RAPGEF5: variants seen among roughly 807,000 people sequenced by gnomAD.
The protein encoded by RAPGEF5 is Rap guanine nucleotide exchange factor 5.
A neutral mutation model predicts 125.2 loss-of-function variants in RAPGEF5; 65 were observed. The ratio of observed to expected loss-of-function variants is 0.52; its 90% CI spans 0.43 to 0.64. The LOEUF (loss-of-function observed/expected upper bound fraction) is 0.64, where lower values mean the gene tolerates loss of function less well. Ranked by LOEUF, RAPGEF5 falls within the 30% of genes least tolerant of loss-of-function variation. The pLI, the probability that RAPGEF5 is intolerant of heterozygous loss-of-function variation, is 0.00. For synonymous variants in RAPGEF5, 391 were observed against 385.9 expected (o/e 1.01, Z -0.16); for missense variants, 958 against 1,048.1 (o/e 0.91, Z 1.19).
chr7:22,130,949 T>C (rs1562704462), intron 24 of RAPGEF5, 88 bp downstream of exon 24: 1 of 1,494,048 alleles, frequency 6.7e-7, no homozygotes, highest in Non-Finnish European at 9.0e-7. Flanking sequence ...TGGAGAAAAG[T>C]ACTAAAACTA....
chr7:22,166,334 A>G (rs190140837), intron 12 of RAPGEF5, among the ~76,000 whole-genome samples: 4 of 152,250 alleles, frequency 2.6e-5, no homozygotes, highest in Non-Finnish European at 5.9e-5. Context: ...TAAAAACAGC[A>G]CAGCAACAGC....
intron 9 of RAPGEF5, chr7:22,194,795 A>G (rs1785107768): frequency 4.1e-6 from 4 of 980,418 alleles, no homozygotes; most frequent in Non-Finnish European, 4.8e-6. Flanking sequence ...CAGCTTCCAC[A>G]GCCCAGAGTG....
chr7:22,293,392 CCTCA>C (rs1175583515), intron 5 of RAPGEF5, among the ~76,000 whole-genome samples: 1 of 152,186 alleles, frequency 6.6e-6, no homozygotes. Flanking sequence ...TCCCTTCCCT[CCTCA>C]CTCCGGCCTT....
intron 7 of RAPGEF5, among the ~76,000 whole-genome samples, chr7:22,254,479 A>G (rs1044044541): frequency 2.6e-5 from 4 of 151,780 alleles, no homozygotes; most frequent in African/African-American, 4.8e-5. Flanking sequence ...GTGGTGACAC[A>G]TGCCTGTAAT....
At chr7:22,353,873 C>T (rs1784374708) in intron 1 of RAPGEF5, among the ~76,000 whole-genome samples, 1 of 151,900 alleles carries the variant, frequency 6.6e-6, no homozygotes, top group South Asian at 2.1e-4. Context: ...AACAGATAGC[C>T]TACAACGTAG....
At chr7:22,337,832 T>C (rs982840658) in intron 1 of RAPGEF5, among the ~76,000 whole-genome samples, 2 of 152,240 alleles carry the variant, frequency 1.3e-5, no homozygotes, top group African/African-American at 4.8e-5. Context: ...AGAGACTCTT[T>C]TGTTTATAAA....
chr7:22,249,057 T>A (rs1447904089), intron 7 of RAPGEF5, among the ~76,000 whole-genome samples: 3 of 152,258 alleles, frequency 2.0e-5, no homozygotes. Flanking sequence ...GCTTCATTTT[T>A]ATTTAATGAA....
chr7:22,191,394 T>C (rs550815340), intron 11 of RAPGEF5: 2 of 349,454 alleles, frequency 5.7e-6, no homozygotes, highest in African/African-American at 4.3e-5. Flanking sequence ...TCCATTTTCA[T>C]AAAATCTTTC....
chr7:22,125,748 A>C, intron 24 of RAPGEF5, 90 bp from the exon 25 acceptor site: 1 of 1,197,282 alleles, frequency 8.4e-7, no homozygotes, highest in East Asian at 2.3e-5. Flanking sequence ...AGGATAATCT[A>C]GCACTCTTGG....
chr7:22,325,753 G>A (rs567843207), intron 1 of RAPGEF5, among the ~76,000 whole-genome samples: 7 of 152,132 alleles, frequency 4.6e-5, no homozygotes, highest in African/African-American at 1.2e-4. Flanking sequence ...TAGTAGAGAC[G>A]ACGTCTCACT....
At chr7:22,219,740 TG>T (rs981784240) in intron 9 of RAPGEF5, 125 bp downstream of exon 9, 2 of 1,315,076 alleles carry the variant, frequency 1.5e-6, no homozygotes, top group African/African-American at 1.5e-5. Flanking sequence ...AGGATGCTCT[TG>T]GGGGGAAAAA....
Position 22,230,859 on chromosome 7 carries a change from A to G in RAPGEF5, c.857T>C (p.Val286Ala). Residue 286 changes from valine (V) to alanine (A), a missense_variant, in exon 8 of 26, where the codon GTT becomes GCT. By Grantham distance (64) the Val-to-Ala change is moderately conservative. Coordinates refer to ENST00000665637, the MANE Select transcript of RAPGEF5 (RefSeq NM_012294.5). ...KHVAVTEAES[V>A]PDSQAGVMCK... ...AATTGATCATACCTGAGAATCTGGA[A>G]CACTTTCGGCTTCTGTTACAGCTAC... 1 of 1,566,856 alleles carries G rather than the reference A, an allele frequency of 6.4e-7. No individual in the cohort carries two copies. The highest frequency in any genetic ancestry group is 8.7e-7 in the Non-Finnish European group (1 of 1,153,736).
At chr7:22,126,823 A>G (rs1476566330) in intron 24 of RAPGEF5, among the ~76,000 whole-genome samples, 2 of 151,898 alleles carry the variant, frequency 1.3e-5, no homozygotes, top group Non-Finnish European at 2.9e-5. Flanking sequence ...GGGTTTCACC[A>G]TGTTGGCTAG....
chr7:22,137,133 T>C, intron 21 of RAPGEF5, 150 bp from the exon 22 acceptor site: 1 of 634,506 alleles, frequency 1.6e-6, no homozygotes, highest in East Asian at 2.8e-5. Flanking sequence ...TTGCTTCTCA[T>C]TATGCAATTT....
intron 7 of RAPGEF5, among the ~76,000 whole-genome samples, chr7:22,245,106 T>C (rs1786441979): frequency 6.6e-6 from 1 of 152,256 alleles, no homozygotes; most frequent in Non-Finnish European, 1.5e-5. Context: ...ACCTGTTGGC[T>C]ATTTGTATAT....
At chr7:22,139,588 C>A (rs537820464) in intron 21 of RAPGEF5, among the ~76,000 whole-genome samples, 1 of 152,340 alleles carries the variant, frequency 6.6e-6, no homozygotes, top group Admixed American at 6.5e-5. Flanking sequence ...TTTTGTGGAT[C>A]CTCTTTAAGA....
At chr7:22,149,766 G>A (rs1428491476) in intron 18 of RAPGEF5, among the ~76,000 whole-genome samples, 1 of 152,056 alleles carries the variant, frequency 6.6e-6, no homozygotes, top group Non-Finnish European at 1.5e-5. Flanking sequence ...ATCCACCTAG[G>A]ATGCATTTCT....
At chr7:22,283,574 A>T (rs1200007069) in intron 6 of RAPGEF5, among the ~76,000 whole-genome samples, 1 of 152,196 alleles carries the variant, frequency 6.6e-6, no homozygotes, top group East Asian at 1.9e-4. Flanking sequence ...TGAAACATTC[A>T]TGGATCATCC....
chr7:22,198,168 C>T (rs13229289), intron 9 of RAPGEF5, among the ~76,000 whole-genome samples: 39,876 of 152,102 alleles, frequency 0.26, 6,114 homozygotes, highest in Non-Finnish European at 0.35. Context: ...CACCTTAAAT[C>T]TCTAAGAATA....
Sources: allele counts gnomAD v4.1 joint callset (sites outside exome capture counted in the v4.1 genomes callset), GRCh38; gene constraint gnomAD v4.1.1; transcripts MANE v1.5; gene names NCBI Gene and HGNC (gene_info 2026-07-23, HGNC 2026-07-21).